Variants in LYPLA2 observed in about 807,000 individuals in gnomAD.
LYPLA2 encodes lysophospholipase 2.
Under a neutral mutation model 30.3 loss-of-function variants are expected in LYPLA2, and 7 were observed. The observed-to-expected ratio is 0.23, with a 90% CI of 0.13 to 0.43. The LOEUF (loss-of-function observed/expected upper bound fraction) is 0.43, where lower values mean the gene tolerates loss of function less well. LYPLA2 is among the 20% of genes least tolerant of loss of function. The pLI, the probability that LYPLA2 is intolerant of heterozygous loss-of-function variation, is 1.00. For missense variants in LYPLA2, 206 were observed against 307.9 expected, an observed-to-expected ratio of 0.67 and a Z score of 2.48; for synonymous variants, 112 against 118.2, an observed-to-expected ratio of 0.95 and a Z score of 0.34.
chr1:23,793,323 C>A lies in LYPLA2; in HGVS notation c.176+107C>A. On this transcript the variant is annotated intron_variant, in intron 4 of 9. Transcript: ENST00000374514. This position sits in a 1 kb window ranked among gnomAD's most constrained non-coding sequence, Gnocchi z 6.0. ...TGTCAGTTGCATCCTGGGGCTTGGG[C>A]TCAGGGCAGTCAGAAGTGGCATTTT... 8.3e-7 allele frequency: 1 copy of A among 1,207,078 alleles called. No homozygotes were observed. Among genetic ancestry groups the A allele is most frequent in the Non-Finnish European group, 1.2e-6 (1 of 831,342 alleles). 74.8% of individuals were successfully genotyped at this position (1,207,078 alleles called of 1,614,324 possible). A position where few individuals can be genotyped will look rare whatever the true frequency, so the allele number is the denominator to read the frequency against.
chr1:23,794,016 G>C lies in LYPLA2; in HGVS notation c.296-47G>C. The C allele has an allele frequency of 1.9e-6, 3 of 1,596,982 alleles. No homozygotes were observed. The highest frequency in any genetic ancestry group is 2.6e-6 in the Non-Finnish European group (3 of 1,164,458). ...GGTTCCTCAGCCTAGCTCCCTTATT[G>C]GGCCCCTTGGCAGCTTCCCTCTACC... On this transcript the variant is annotated intron_variant, in intron 6 of 9. Transcript: ENST00000374514. This position sits in a 1 kb window ranked among gnomAD's most constrained non-coding sequence, Gnocchi z 5.9.
At position 23,793,376 on chromosome 1, in the gene LYPLA2, G is replaced by A. The variant is rs1455933537; in HGVS notation, c.176+160G>A. ...GCCTGAGCTCCTGTGGAGCCCCCAG[G>A]AGTGGGGTCCAGCACCAGCCCCCAG... On this transcript the variant is annotated intron_variant, in intron 4 of 9. Transcript: ENST00000374514. This position sits in a 1 kb window ranked among gnomAD's most constrained non-coding sequence, Gnocchi z 6.0. Among the ~76,000 whole-genome samples, 1 of 152,136 alleles carries A rather than the reference G, an allele frequency of 6.6e-6. No individual in the cohort carries two copies. The highest frequency in any genetic ancestry group is 1.5e-5 in the Non-Finnish European group (1 of 68,000).
In LYPLA2 at chr1:23,794,558, G is replaced by A. The variant is rs145543010; in HGVS notation, c.603G>A (p.Gln201=). 13 of 1,614,040 alleles carry A rather than the reference G, an allele frequency of 8.1e-6. No homozygotes were observed. Among genetic ancestry groups the A allele is most frequent in the Middle Eastern group, 1.6e-4 (1 of 6,084 alleles). ...LRSVVTPARV[Q]FKTYPGVMHS... The stretch of plus-strand genomic sequence containing the variant: ...CTGTTGTCACACCTGCCAGGGTCCA[G>A]TTCAAGACATACCCGGGTGTCATGC... The change falls in exon 9 of 10, where the codon CAG becomes CAA. Residue 201 remains glutamine, a synonymous_variant. Transcript: ENST00000374514. The surrounding 1 kb of genome is among the most constrained non-coding windows in gnomAD (Gnocchi z 5.9).
At chr1:23,792,500 A>G in intron 1 of LYPLA2, 157 bp from the exon 2 acceptor site, 1 of 609,492 alleles carries the variant, frequency 1.6e-6, no homozygotes, top group East Asian at 2.8e-5. Context: ...ACTGAGGCAG[A>G]CTTCTTCTCC....
chr1:23,791,840 G>C (rs1001270190), intron 1 of LYPLA2: 2 of 152,514 alleles, frequency 1.3e-5, no homozygotes, highest in African/African-American at 2.4e-5. Flanking sequence ...GAGATGGAAG[G>C]TGAGGCCAGT....
chr1:23,793,010 T>C lies in LYPLA2; in HGVS notation c.81T>C (p.Val27=). 1 of 1,612,890 alleles carries C rather than the reference T, an allele frequency of 6.2e-7. No individual in the cohort carries two copies. Among genetic ancestry groups the C allele is most frequent in the Non-Finnish European group, 8.5e-7 (1 of 1,179,292 alleles). Residue 27 remains valine (V), a splice_region_variant and synonymous_variant, in exon 3 of 10, where the codon GTT becomes GTC. Coordinates refer to ENST00000374514, the MANE Select transcript of LYPLA2 (RefSeq NM_007260.3). This position sits in a 1 kb window ranked among gnomAD's most constrained non-coding sequence, Gnocchi z 6.0. ...CCCCATTTCCCATCCTTTTCCAGGT[T>C]ATTTTTTTACATGGACTTGGAGACA... ...VSGAERETAA[V]IFLHGLGDTG...
Position 23,793,340 on chromosome 1 carries a change from T to G in LYPLA2, c.176+124T>G. 1 of 1,041,820 alleles carries G rather than the reference T, an allele frequency of 9.6e-7. No individual in the cohort carries two copies. Among genetic ancestry groups the G allele is most frequent in the Non-Finnish European group, 1.4e-6 (1 of 694,426 alleles). 64.5% of individuals were successfully genotyped at this position (1,041,820 alleles called of 1,614,324 possible). On this transcript the variant is annotated intron_variant, in intron 4 of 9. Coordinates refer to ENST00000374514, the MANE Select transcript of LYPLA2 (RefSeq NM_007260.3). This position sits in a 1 kb window ranked among gnomAD's most constrained non-coding sequence, Gnocchi z 6.0. The stretch of plus-strand genomic sequence containing the variant: ...GGCTTGGGCTCAGGGCAGTCAGAAG[T>G]GGCATTTTCAGCCTGAGCTCCTGTG...
In LYPLA2 at chr1:23,794,607, G is replaced by T; in HGVS notation, c.645+7G>T. 1 of 1,614,020 alleles carries T rather than the reference G, an allele frequency of 6.2e-7. No individual in the cohort carries two copies. ...GCACAGCTCCTGTCCTCAGGTCAGTGGGGGGACCATTTCCCACTCCCACTT... is the reference window on the plus strand; with the variant it reads ...GCACAGCTCCTGTCCTCAGGTCAGTTGGGGGACCATTTCCCACTCCCACTT... On this transcript the variant is annotated splice_region_variant and intron_variant, in intron 9 of 9. Coordinates refer to ENST00000374514, the MANE Select transcript of LYPLA2 (RefSeq NM_007260.3). The surrounding 1 kb of genome is among the most constrained non-coding windows in gnomAD (Gnocchi z 5.9).
rs770285972 is a variant in LYPLA2, at chr1:23,794,151, G to GT, written c.369+16dup. The stretch of plus-strand genomic sequence containing the variant: ...GCTTTTCACAGGTGAGGGGAGAGGG[G>GT]TGGGGGGGTAGGGGGTAGGGGTGGC... On this transcript the variant is annotated intron_variant, in intron 7 of 9. Transcript: ENST00000374514. This position sits in a 1 kb window ranked among gnomAD's most constrained non-coding sequence, Gnocchi z 5.9. 98 of 1,541,110 alleles carry GT rather than the reference G, an allele frequency of 6.4e-5. No individual in the cohort carries two copies. Among genetic ancestry groups the GT allele is most frequent in the Non-Finnish European group, 8.1e-5 (91 of 1,118,170 alleles).
chr1:23,793,256 A>G lies in LYPLA2; in HGVS notation c.176+40A>G. The G allele has an allele frequency of 6.3e-7, 1 of 1,593,942 alleles. No individual in the cohort carries two copies. The highest frequency in any genetic ancestry group is 8.6e-7 in the Non-Finnish European group (1 of 1,163,344). ...AGCAAGGGAGGGGCTGAGGCTGGGGATCATCTGGGGGTGGTCCTGTCATCC... is the reference window on the plus strand; with the variant it reads ...AGCAAGGGAGGGGCTGAGGCTGGGGGTCATCTGGGGGTGGTCCTGTCATCC... On this transcript the variant is annotated intron_variant, in intron 4 of 9. Coordinates refer to ENST00000374514, the MANE Select transcript of LYPLA2 (RefSeq NM_007260.3). This position sits in a 1 kb window ranked among gnomAD's most constrained non-coding sequence, Gnocchi z 6.0.
intron 1 of LYPLA2, among the ~76,000 whole-genome samples, chr1:23,791,536 C>T (rs1053728316): frequency 4.6e-5 from 7 of 152,018 alleles, no homozygotes; most frequent in Admixed American, 1.3e-4. Flanking sequence ...GGTGGGAGTC[C>T]TGGGTCAGGG....
At chr1:23,792,842 T>C in intron 2 of LYPLA2, 82 bp downstream of exon 2, 1 of 1,358,972 alleles carries the variant, frequency 7.4e-7, no homozygotes, top group Non-Finnish European at 1.0e-6. Flanking sequence ...AAAATGGAGG[T>C]GGCAGTGATG....
At position 23,794,922 on chromosome 1, in the gene LYPLA2, T is replaced by C. The variant is rs539132646; in HGVS notation, c.*190T>C. 5 of 732,636 alleles carry C rather than the reference T, an allele frequency of 6.8e-6. No individual in the cohort carries two copies. In the East Asian group the frequency reaches 1.3e-4, roughly 20 times the overall value. The allele number at this position is 732,636 out of a possible 1,614,324, so 45.4% of individuals were successfully genotyped here. A position where few individuals can be genotyped will look rare whatever the true frequency, so the allele number is the denominator to read the frequency against. On this transcript the variant is annotated 3_prime_UTR_variant, in exon 10 of 10. Coordinates refer to ENST00000374514, the MANE Select transcript of LYPLA2 (RefSeq NM_007260.3). This position sits in a 1 kb window ranked among gnomAD's most constrained non-coding sequence, Gnocchi z 5.9. ...CTTCCTGGCCTTAGCCACCTGGCTC[T>C]GTCTGCAGCAGGGGCAGGCTGCTTT...
rs545933557 is a variant in LYPLA2, at chr1:23,795,149, C to T, written c.*417C>T. The T allele has an allele frequency of 3.3e-4, 118 of 358,058 alleles. No individual in the cohort carries two copies. The highest frequency in any genetic ancestry group is 6.1e-4 in the Admixed American group (16 of 26,314). 22.2% of individuals were successfully genotyped at this position (358,058 alleles called of 1,614,324 possible). On this transcript the variant is annotated 3_prime_UTR_variant, in exon 10 of 10. Transcript: ENST00000374514. Reference sequence around the variant, plus strand: ...CCCCAACTGATTCTGCCCAGATAATCGTGTCTCCTGCCTCCACTCAGCTGC... The same window carrying T: ...CCCCAACTGATTCTGCCCAGATAATTGTGTCTCCTGCCTCCACTCAGCTGC...
chr1:23,793,511 G>C lies in LYPLA2; in HGVS notation c.177-194G>C, dbSNP rs1570622396. The C allele has an allele frequency of 4.4e-6, 3 of 674,602 alleles. No homozygotes were observed. The highest frequency in any genetic ancestry group is 5.1e-5 in the East Asian group (2 of 39,002). 41.8% of individuals were successfully genotyped at this position (674,602 alleles called of 1,614,324 possible). On this transcript the variant is annotated intron_variant, in intron 4 of 9. Transcript: ENST00000374514. The surrounding 1 kb of genome is among the most constrained non-coding windows in gnomAD (Gnocchi z 6.0). ...CCCGTCACACCAAGCGCTGGGCTCT[G>C]CTTCTCCATTACTGGCGCTTTGCCC...
Position 23,793,993 on chromosome 1 carries a change from T to C in LYPLA2, c.295+63T>C. ...TGCCCCCCAGGAAAGCGCTGGGCGG[T>C]TCCTCAGCCTAGCTCCCTTATTGGG... On this transcript the variant is annotated intron_variant, in intron 6 of 9. Coordinates refer to ENST00000374514, the MANE Select transcript of LYPLA2 (RefSeq NM_007260.3). The surrounding 1 kb of genome is among the most constrained non-coding windows in gnomAD (Gnocchi z 6.0). 6.3e-7 allele frequency: 1 copy of C among 1,585,962 alleles called. No homozygotes were observed. Among genetic ancestry groups the C allele is most frequent in the Non-Finnish European group, 8.7e-7 (1 of 1,154,432 alleles).
chr1:23,793,117 C>T lies in LYPLA2; in HGVS notation c.111-34C>T, dbSNP rs1478865455. 1 of 1,613,584 alleles carries T rather than the reference C, an allele frequency of 6.2e-7. No homozygotes were observed. Among genetic ancestry groups the T allele is most frequent in the Non-Finnish European group, 8.5e-7 (1 of 1,179,618 alleles). On this transcript the variant is annotated intron_variant, in intron 3 of 9. Transcript: ENST00000374514. The surrounding 1 kb of genome is among the most constrained non-coding windows in gnomAD (Gnocchi z 6.0). ...GACTGGAGAGGCCTTCTCTTCCTAC[C>T]ACATCGGAGCCTTTTCTCCCGTCCC...
rs116282129 is a variant in LYPLA2, at chr1:23,792,641, G to A, written c.-26-16G>A. On this transcript the variant is annotated splice_polypyrimidine_tract_variant and intron_variant, in intron 1 of 9. Coordinates refer to ENST00000374514, the MANE Select transcript of LYPLA2 (RefSeq NM_007260.3). ...GTGCCTGGTTTTGCTCTTGACCGCC[G>A]CCCCGATGTATGCAGGCCCCCGCCG... 25 of 1,576,354 alleles carry A rather than the reference G, an allele frequency of 1.6e-5. No homozygotes were observed. Among genetic ancestry groups the A allele is most frequent in the Non-Finnish European group, 2.0e-5 (23 of 1,148,972 alleles).
Position 23,792,930 on chromosome 1 carries a change from G to C in LYPLA2, c.79-78G>C, listed in dbSNP as rs978532877. The C allele has an allele frequency of 2.0e-6, 3 of 1,528,558 alleles. No homozygotes were observed. The African/African-American group carries it at 4.1e-5, about 21-fold the overall frequency. 94.7% of individuals were successfully genotyped at this position (1,528,558 alleles called of 1,614,324 possible). On this transcript the variant is annotated intron_variant, in intron 2 of 9. Coordinates refer to ENST00000374514, the MANE Select transcript of LYPLA2 (RefSeq NM_007260.3). ...CTACCTGGGTTCCCCCAGGTCCTTG[G>C]GGGTGGGGGAGGGGTGGGCAGAAGT...
Sources: allele counts gnomAD v4.1 joint callset (sites outside exome capture counted in the v4.1 genomes callset), GRCh38; gene constraint gnomAD v4.1.1; non-coding constraint Gnocchi (gnomAD v3.1); transcripts MANE v1.5; gene names NCBI Gene and HGNC (gene_info 2026-07-23, HGNC 2026-07-21).